TRMT13: variants seen among roughly 807,000 people sequenced by gnomAD.
TRMT13 encodes the protein tRNA methyltransferase 13.
TRMT13 carries 45 observed loss-of-function variants against 55.9 expected under a neutral mutation model. The ratio of observed to expected loss-of-function variants is 0.80; its 90% CI spans 0.63 to 1.03. The LOEUF (loss-of-function observed/expected upper bound fraction) is 1.03. Among genes scored for constraint, TRMT13 ranks in the 50% least tolerant of loss-of-function variants. TRMT13 has a pLI of 0.00. For missense variants in TRMT13, 513 were observed against 563.9 expected (o/e 0.91, Z 0.91); for synonymous variants, 183 against 196.3 (o/e 0.93, Z 0.57).
chr1:100,139,719 C>T lies in TRMT13; in HGVS notation c.324+8C>T, dbSNP rs761618458. The T allele has an allele frequency of 1.4e-6, 2 of 1,453,818 alleles. No individual in the cohort carries two copies. The highest frequency in any genetic ancestry group is 3.6e-5 in the Admixed American group (2 of 55,772). 90.1% of individuals were successfully genotyped at this position (1,453,818 alleles called of 1,614,324 possible). On this transcript the variant is annotated splice_region_variant and intron_variant, in intron 4 of 10. Transcript: ENST00000370141. Reference sequence around the variant, plus strand: ...GAAATACCTGAACAATTAGTAAGTACATTGACTTAATATTTAATTTTAAAA... The same window carrying T: ...GAAATACCTGAACAATTAGTAAGTATATTGACTTAATATTTAATTTTAAAA...
chr1:100,145,142 A>G (rs567257696), intron 9 of TRMT13, among the ~76,000 whole-genome samples: 63 of 152,368 alleles, frequency 4.1e-4, no homozygotes, highest in Middle Eastern at 3.4e-3. Flanking sequence ...GCTTAGGAGC[A>G]ATAGGCTGTG....
In TRMT13 at chr1:100,147,183, C is replaced by G. The variant is rs917644083; in HGVS notation, c.818-711C>G. 9.9e-5 allele frequency among the ~76,000 whole-genome samples: 15 copies of G among 152,138 alleles called. 1 individual carries two copies. The highest frequency in any genetic ancestry group is 2.1e-4 in the Non-Finnish European group (14 of 68,024). On this transcript the variant is annotated intron_variant, in intron 9 of 10. Coordinates refer to ENST00000370141, the MANE Select transcript of TRMT13 (RefSeq NM_019083.3). ...TTCGATGGGAAATAGCCATAGTCAT[C>G]AAAAATCCATTTATTTAGTTTTAAA...
rs747636690 is a variant in TRMT13, at chr1:100,137,095, T to C, written c.261+10T>C. The C allele has an allele frequency of 2.5e-6, 4 of 1,606,412 alleles. No individual in the cohort carries two copies. The South Asian group carries it at 3.3e-5, about 13-fold the overall frequency. On this transcript the variant is annotated intron_variant, in intron 3 of 10. Coordinates refer to ENST00000370141, the MANE Select transcript of TRMT13 (RefSeq NM_019083.3). ...AGAGAAACCAAAACCTGTAAGTGTT[T>C]GATCAGTAAAATTGAATGGTGAAAT...
At chr1:100,136,826 C>T in intron 1 of TRMT13, 56 bp from the exon 2 acceptor site, 1 of 1,393,680 alleles carries the variant, frequency 7.2e-7, no homozygotes, top group Non-Finnish European at 9.8e-7. Flanking sequence ...TATCTGGTAT[C>T]TGTAAGCAAT....
Position 100,149,151 on chromosome 1 carries a change from A to G in TRMT13, c.*331A>G. 2 of 1,554,180 alleles carry G rather than the reference A, an allele frequency of 1.3e-6. No homozygotes were observed. The highest frequency in any genetic ancestry group is 1.7e-6 in the Non-Finnish European group (2 of 1,156,100). On this transcript the variant is annotated 3_prime_UTR_variant, in exon 11 of 11. Transcript: ENST00000370141. ...AATTAGCGTATTTCTGTTTGTATTAATTTTGGAAATTTATCTTCCTTTGAT... is the reference window on the plus strand; with the variant it reads ...AATTAGCGTATTTCTGTTTGTATTAGTTTTGGAAATTTATCTTCCTTTGAT...
chr1:100,133,267 G>A lies in TRMT13; in HGVS notation c.99G>A (p.Val33=). The A allele has an allele frequency of 6.2e-7, 1 of 1,614,096 alleles. No individual in the cohort carries two copies. Among genetic ancestry groups the A allele is most frequent in the Non-Finnish European group, 8.5e-7 (1 of 1,179,964 alleles). ...AGAAGAAACGGTTCTGCAGGATGGT[G>A]GTGGCCGCAGGGAAAAGATTTTGTG... is the stretch of plus-strand genomic sequence containing the variant. ...VEKKKRFCRM[V]VAAGKRFCGE... is the part of the protein sequence containing the mutation. The change falls in exon 1 of 11, where the codon GTG becomes GTA. Residue 33 remains valine, a synonymous_variant. Transcript: ENST00000370141.
chr1:100,136,495 A>C (rs1655882386), intron 1 of TRMT13, among the ~76,000 whole-genome samples: 1 of 152,182 alleles, frequency 6.6e-6, no homozygotes, highest in South Asian at 2.1e-4. Flanking sequence ...GTACAAACCT[A>C]ATATGTGATA....
At chr1:100,143,931 G>A (rs1433504603) in intron 8 of TRMT13, 138 bp from the exon 9 acceptor site, 1 of 671,076 alleles carries the variant, frequency 1.5e-6, no homozygotes, top group African/African-American at 1.8e-5. Flanking sequence ...GTTATATGTT[G>A]GGTTCCATAA....
Position 100,149,552 on chromosome 1 carries a change from G to T in TRMT13, c.*732G>T. ...TCACAAATTTGAAATAATTTCTGAA[G>T]TTGATTAGCTATCTCATATCTTTTA... On this transcript the variant is annotated 3_prime_UTR_variant, in exon 11 of 11. Transcript: ENST00000370141. 1.0e-6 allele frequency: 1 copy of T among 972,846 alleles called. No individual in the cohort carries two copies. The highest frequency in any genetic ancestry group is 1.5e-6 in the Non-Finnish European group (1 of 676,710). 60.3% of individuals were successfully genotyped at this position (972,846 alleles called of 1,614,324 possible). A position where few individuals can be genotyped will look rare whatever the true frequency, so the allele number is the denominator to read the frequency against.
At chr1:100,148,384 AC>A in intron 10 of TRMT13, 58 bp downstream of exon 10, 2 of 1,448,180 alleles carry the variant, frequency 1.4e-6, no homozygotes, top group Non-Finnish European at 1.9e-6. Flanking sequence ...ATTGTACTGT[AC>A]TTTAGATGAC....
rs954096807 is a variant in TRMT13, at chr1:100,149,045, T to A, written c.*225T>A. ...TAGAAGGGCATCTTGAATTATATTA[T>A]CCATCCGTATTTATGGAGATTGGTA... is the stretch of plus-strand genomic sequence containing the variant. On this transcript the variant is annotated 3_prime_UTR_variant, in exon 11 of 11. Coordinates refer to ENST00000370141, the MANE Select transcript of TRMT13 (RefSeq NM_019083.3). 5 of 1,589,020 alleles carry A rather than the reference T, an allele frequency of 3.1e-6. No homozygotes were observed. The highest frequency in any genetic ancestry group is 4.3e-6 in the Non-Finnish European group (5 of 1,170,710).
intron 1 of TRMT13, 42 bp from the exon 2 acceptor site, chr1:100,136,840 C>T (rs1218483942): frequency 6.8e-7 from 1 of 1,472,682 alleles, no homozygotes; most frequent in East Asian, 2.3e-5. Flanking sequence ...AAGCAATAAA[C>T]TTGATATTTT....
chr1:100,144,227 G>T, intron 9 of TRMT13, 84 bp downstream of exon 9: 1 of 921,246 alleles, frequency 1.1e-6, no homozygotes, highest in Non-Finnish European at 1.8e-6. Flanking sequence ...GGTCTCTTTT[G>T]AATAGATATC....
rs1391016874 is a variant in TRMT13 at position 100,147,979 on chromosome 1, T to C, written c.903T>C (p.Asn301=). Residue 301 remains asparagine (N), a synonymous_variant, in exon 10 of 11, where the codon AAT becomes AAC. Coordinates refer to ENST00000370141, the MANE Select transcript of TRMT13 (RefSeq NM_019083.3). ...AACCTTTAGCCAAACGCATAAAGAA[T>C]GATAAAACAGAAAAAGAAATTTACA... is the stretch of plus-strand genomic sequence containing the variant. The part of the protein sequence containing the change: ...NEEPLAKRIK[N]DKTEKEIYTL... 6.2e-7 allele frequency: 1 copy of C among 1,613,828 alleles called. No individual in the cohort carries two copies. The highest frequency in any genetic ancestry group is 8.5e-7 in the Non-Finnish European group (1 of 1,179,992).
intron 3 of TRMT13, among the ~76,000 whole-genome samples, chr1:100,139,305 T>C (rs1303160842): frequency 1.3e-5 from 2 of 152,264 alleles, no homozygotes; most frequent in Non-Finnish European, 2.9e-5. Context: ...ATTACAGTTC[T>C]CAGTGTATGC....
At chr1:100,136,219 A>G (rs1295221947) in intron 1 of TRMT13, among the ~76,000 whole-genome samples, 2 of 152,232 alleles carry the variant, frequency 1.3e-5, no homozygotes, top group Admixed American at 6.5e-5. Context: ...TGGCACATCC[A>G]AATGGTTAAA....
At position 100,150,182 on chromosome 1, in the gene TRMT13, C is replaced by T. The variant is rs1481165036; in HGVS notation, c.*1362C>T. On this transcript the variant is annotated 3_prime_UTR_variant, in exon 11 of 11. Transcript: ENST00000370141. ...AAAATGCATAGAACAGTTCCAAGCA[C>T]AGAGTAATTCAATAAATATTAACTA... is the stretch of plus-strand genomic sequence containing the variant. The T allele has an allele frequency of 6.6e-6, 1 of 152,134 alleles. No homozygotes were observed. Among genetic ancestry groups the T allele is most frequent in the African/African-American group, 2.4e-5 (1 of 41,428 alleles). 9.4% of individuals were successfully genotyped at this position (152,134 alleles called of 1,614,324 possible). A position where few individuals can be genotyped will look rare whatever the true frequency, so the allele number is the denominator to read the frequency against.
Position 100,149,714 on chromosome 1 carries a change from C to A in TRMT13, c.*894C>A. Reference sequence around the variant, plus strand: ...AATTTAGGCCTTATTTAACTCATGACTGGTTTCTATGCACAAGAAAATACT... The same window carrying A: ...AATTTAGGCCTTATTTAACTCATGAATGGTTTCTATGCACAAGAAAATACT... On this transcript the variant is annotated 3_prime_UTR_variant, in exon 11 of 11. Coordinates refer to ENST00000370141, the MANE Select transcript of TRMT13 (RefSeq NM_019083.3). The A allele has an allele frequency of 7.7e-6, 2 of 261,422 alleles. 1 individual carries two copies. Among genetic ancestry groups the A allele is most frequent in the South Asian group, 1.0e-4 (2 of 19,070 alleles). The allele number at this position is 261,422 out of a possible 1,614,324, so 16.2% of individuals were successfully genotyped here.
chr1:100,143,804 C>A (rs925271525), intron 8 of TRMT13, among the ~76,000 whole-genome samples: 2 of 152,078 alleles, frequency 1.3e-5, no homozygotes, highest in Admixed American at 1.3e-4. Context: ...TTCCATTCAC[C>A]AATTTTAATC....
Sources: allele counts gnomAD v4.1 joint callset (sites outside exome capture counted in the v4.1 genomes callset), GRCh38; gene constraint gnomAD v4.1.1; transcripts MANE v1.5; gene names NCBI Gene and HGNC (gene_info 2026-07-23, HGNC 2026-07-21).